The following HHAT variants were observed in gnomAD, a reference collection of about 807,000 sequenced individuals.
The protein encoded by HHAT is hedgehog acyltransferase.
HHAT carries 47 observed loss-of-function variants against 70.8 expected under a neutral mutation model. That is an observed-to-expected ratio of 0.66 (90% CI 0.53 to 0.85). The LOEUF (loss-of-function observed/expected upper bound fraction) is 0.85, where lower values mean the gene tolerates loss of function less well. HHAT is among the 40% of genes least tolerant of loss of function. HHAT has a pLI of 0.00. For missense variants in HHAT, 609 were observed against 604.8 expected (o/e 1.01, Z -0.07); for synonymous variants, 228 against 247.6 (o/e 0.92, Z 0.74).
chr1:210,406,898 T>A (rs1256819492), intron 6 of HHAT, among the ~76,000 whole-genome samples: 5 of 152,200 alleles, frequency 3.3e-5, no homozygotes, highest in Non-Finnish European at 7.3e-5. Context: ...CCATGTCTTT[T>A]CCTTCCCTCT....
At chr1:210,370,688 C>A (rs1228094962) in intron 3 of HHAT, among the ~76,000 whole-genome samples, 1 of 141,042 alleles carries the variant, frequency 7.1e-6, no homozygotes, top group Non-Finnish European at 1.5e-5. Context: ...GATCTTGGCT[C>A]ACTGCAACCT....
chr1:210,376,724 C>T (rs2090254825), intron 3 of HHAT, among the ~76,000 whole-genome samples: 2 of 152,228 alleles, frequency 1.3e-5, no homozygotes, highest in African/African-American at 4.8e-5. Context: ...ACAGCTTGGG[C>T]AGCTAATGGG....
chr1:210,403,737 A>C (rs1391860493), intron 5 of HHAT, among the ~76,000 whole-genome samples: 4 of 152,346 alleles, frequency 2.6e-5, no homozygotes, highest in Non-Finnish European at 4.4e-5. Context: ...AAACATGGAA[A>C]ATGTAGAAAA....
chr1:210,402,173 G>T (rs1179469760), intron 5 of HHAT, among the ~76,000 whole-genome samples: 1 of 152,142 alleles, frequency 6.6e-6, no homozygotes, highest in Non-Finnish European at 1.5e-5. Context: ...CAAGTCCAAG[G>T]CCCCAGCTCC....
chr1:210,656,086 T>C (rs1252171621), intron 11 of HHAT, among the ~76,000 whole-genome samples: 2 of 152,216 alleles, frequency 1.3e-5, no homozygotes, highest in Admixed American at 6.5e-5. Flanking sequence ...ATATGTTCCT[T>C]TTGACAGTAG....
chr1:210,493,638 C>T (rs2094585768), intron 8 of HHAT, among the ~76,000 whole-genome samples: 1 of 152,086 alleles, frequency 6.6e-6, no homozygotes, highest in Admixed American at 6.6e-5. Flanking sequence ...AGAGAGAGGT[C>T]AAAGCTAGAA....
intron 9 of HHAT, among the ~76,000 whole-genome samples, chr1:210,576,681 A>G (rs1290003478): frequency 6.6e-6 from 1 of 152,216 alleles, no homozygotes; most frequent in Non-Finnish European, 1.5e-5. Flanking sequence ...ATAACATTGA[A>G]AAAAAGAAAA....
At chr1:210,361,549 A>G (rs1170675963) in intron 2 of HHAT, among the ~76,000 whole-genome samples, 1 of 150,960 alleles carries the variant, frequency 6.6e-6, no homozygotes. Flanking sequence ...TGCTGTTTGC[A>G]TCTGGTGTGT....
At chr1:210,403,931 CTTT>C (rs56979148) in intron 5 of HHAT, among the ~76,000 whole-genome samples, 58 of 141,294 alleles carry the variant, frequency 4.1e-4, no homozygotes, top group East Asian at 8.2e-4. Flanking sequence ...AGGGCAGGGA[CTTT>C]TTTTTTTTTT....
Position 210,400,520 on chromosome 1 carries a change from T to C in HHAT, c.326T>C (p.Leu109Pro). 6.2e-7 allele frequency: 1 copy of C among 1,614,096 alleles called. No homozygotes were observed. The highest frequency in any genetic ancestry group is 8.5e-7 in the Non-Finnish European group (1 of 1,179,994). ...GGGATGTGGGCCTGCTGGTGTGTGC[T>C]GGGGACCCCTGGTGTGGCTATGGTT... The part of the protein sequence containing the change: ...LYGMWACWCV[L>P]GTPGVAMVLL... Residue 109 changes from leucine to proline, a missense_variant, in exon 5 of 12, where the codon CTG (leucine) becomes CCG (proline). Leu to Pro is a moderately conservative substitution (Grantham distance 98). Transcript: ENST00000261458.
chr1:210,511,346 C>T (rs1002754433), intron 8 of HHAT, among the ~76,000 whole-genome samples: 3 of 152,142 alleles, frequency 2.0e-5, no homozygotes, highest in African/African-American at 7.2e-5. Context: ...TAAATGAGGT[C>T]TGTCATGTTT....
upstream of HHAT, among the ~76,000 whole-genome samples, chr1:210,328,723 G>C (rs545615404): frequency 3.7e-4 from 57 of 152,352 alleles, no homozygotes; most frequent in Non-Finnish European, 7.4e-4. Context: ...ATGCACGCCA[G>C]GGTCAGTGGG....
At chr1:210,451,659 C>T (rs921967086) in intron 7 of HHAT, among the ~76,000 whole-genome samples, 4 of 152,124 alleles carry the variant, frequency 2.6e-5, no homozygotes, top group African/African-American at 9.7e-5. Flanking sequence ...GCTAACTACA[C>T]CCTTGAACTC....
intron 9 of HHAT, among the ~76,000 whole-genome samples, chr1:210,549,882 A>C (rs989684352): frequency 6.7e-6 from 1 of 148,936 alleles, no homozygotes; most frequent in East Asian, 2.2e-4. Context: ...TCTGTTGTTC[A>C]GTTGAATCAT....
chr1:210,591,012 C>A (rs1030537229), intron 10 of HHAT, among the ~76,000 whole-genome samples: 1 of 152,096 alleles, frequency 6.6e-6, no homozygotes, highest in African/African-American at 2.4e-5. Flanking sequence ...TTAATTATCA[C>A]ATGGGGGTAA....
chr1:210,569,313 G>A (rs1305426123), intron 9 of HHAT, among the ~76,000 whole-genome samples: 2 of 137,860 alleles, frequency 1.5e-5, no homozygotes, highest in Non-Finnish European at 3.1e-5. Flanking sequence ...GGCGGAGGTT[G>A]CAGTAAGCCG....
intron 6 of HHAT, among the ~76,000 whole-genome samples, chr1:210,404,977 C>G (rs915787441): frequency 6.6e-6 from 1 of 152,014 alleles, no homozygotes; most frequent in African/African-American, 2.4e-5. Flanking sequence ...GAGTTGGTAT[C>G]CACTGTGGCA....
At chr1:210,541,281 G>T in intron 9 of HHAT, among the ~76,000 whole-genome samples, 1 of 152,182 alleles carries the variant, frequency 6.6e-6, no homozygotes, top group East Asian at 1.9e-4. Flanking sequence ...GGAGTATCAT[G>T]TTTAGCCACT....
chr1:210,586,481 A>T (rs556921132), intron 9 of HHAT, among the ~76,000 whole-genome samples: 60 of 152,266 alleles, frequency 3.9e-4, no homozygotes, highest in African/African-American at 1.4e-3. Context: ...TGAATAGAAC[A>T]ATTTCCTCTC....
Sources: gnomAD v4.1 joint callset for allele counts (sites outside exome capture counted in the v4.1 genomes callset) on GRCh38, gnomAD v4.1.1 for gene constraint, MANE v1.5 for transcripts, NCBI Gene and HGNC (gene_info 2026-07-23, HGNC 2026-07-21) for gene names.